SULF1: variants seen among roughly 807,000 people sequenced by gnomAD.
SULF1 encodes extracellular sulfatase Sulf-1.
SULF1 carries 46 observed loss-of-function variants against 110.5 expected under a neutral mutation model. That is an observed-to-expected ratio of 0.42 (90% CI 0.33 to 0.53). SULF1 has a LOEUF of 0.53. Ranked by LOEUF, SULF1 falls within the 20% of genes least tolerant of loss-of-function variation. SULF1 has a pLI of 0.12. For synonymous variants in SULF1, 371 were observed against 387.1 expected (o/e 0.96, Z 0.49); for missense variants, 941 against 1,094.2 (o/e 0.86, Z 1.98).
chr8:69,641,063 C>T, intron 22 of SULF1: 1 of 423,096 alleles, frequency 2.4e-6, no homozygotes, highest in East Asian at 3.6e-5. Context: ...AGAGCATTTA[C>T]TCACTCCCAT....
rs761140870 is a variant in SULF1, at chr8:69,588,960, T to C, written c.565-12T>C. 4.7e-5 allele frequency: 75 copies of C among 1,600,176 alleles called. No homozygotes were observed. The highest frequency in any genetic ancestry group is 1.7e-4 in the Middle Eastern group (1 of 6,020). On this transcript the variant is annotated splice_polypyrimidine_tract_variant and intron_variant, in intron 7 of 22. Transcript: ENST00000402687. The stretch of plus-strand genomic sequence containing the variant: ...TTTGTAATTTTTGTTTTGTGTCAAA[T>C]GTATGTTTCAGGACTACTTCACAGA...
At chr8:69,525,955 A>C (rs1413341895) in intron 3 of SULF1, among the ~76,000 whole-genome samples, 2 of 152,158 alleles carry the variant, frequency 1.3e-5, no homozygotes, top group East Asian at 3.8e-4. Context: ...AAATTTCTTG[A>C]AGCTCTTTGG....
chr8:69,604,702 T>C, intron 12 of SULF1, 101 bp from the exon 13 acceptor site: 1 of 1,452,084 alleles, frequency 6.9e-7, no homozygotes. Flanking sequence ...GTTTAAAGAA[T>C]GTGGAGTCAT....
intron 3 of SULF1, among the ~76,000 whole-genome samples, chr8:69,524,970 A>G (rs1812560016): frequency 6.6e-6 from 1 of 152,198 alleles, no homozygotes; most frequent in Admixed American, 6.5e-5. Flanking sequence ...GGCAGTGGAT[A>G]GCTTTATAAC....
chr8:69,526,798 A>AAAGGAAGGAAGG (rs5892198), intron 3 of SULF1, among the ~76,000 whole-genome samples: 8,884 of 112,146 alleles, frequency 0.079, 448 homozygotes, highest in Middle Eastern at 0.09. Context: ...GTCAAGAAAG[A>AAAGGAAGGAAGG]AAGGAAGGAA....
intron 3 of SULF1, among the ~76,000 whole-genome samples, chr8:69,537,496 A>G (rs10957497): frequency 0.056 from 8,571 of 152,280 alleles, 696 homozygotes; most frequent in East Asian, 0.43. Context: ...AGAGTATACC[A>G]TATTAAATAG....
intron 5 of SULF1, among the ~76,000 whole-genome samples, chr8:69,566,624 G>A (rs900643050): frequency 6.6e-6 from 1 of 152,158 alleles, no homozygotes; most frequent in African/African-American, 2.4e-5. Flanking sequence ...GCTGAGGCAG[G>A]CGGATCACCT....
chr8:69,594,593 C>A (rs1385276810), intron 8 of SULF1, among the ~76,000 whole-genome samples: 4 of 152,184 alleles, frequency 2.6e-5, no homozygotes, highest in Admixed American at 2.0e-4. Flanking sequence ...TTTGAAACAC[C>A]TTTGTTATCT....
In SULF1 at chr8:69,658,607, A is replaced by G. The variant is rs750874226; in HGVS notation, c.*72A>G. 9.7e-6 allele frequency: 12 copies of G among 1,238,426 alleles called. No individual in the cohort carries two copies. Among genetic ancestry groups the G allele is most frequent in the Admixed American group, 5.1e-5 (3 of 59,214 alleles). 76.7% of individuals were successfully genotyped at this position (1,238,426 alleles called of 1,614,324 possible). ...CTACACAGTGTGAATGAAAACATCT[A>G]TGAGTACAGACAAAACTACAGACTT... On this transcript the variant is annotated 3_prime_UTR_variant, in exon 23 of 23. Coordinates refer to ENST00000402687, the MANE Select transcript of SULF1 (RefSeq NM_001128205.2).
chr8:69,594,729 T>G (rs1040598561), intron 8 of SULF1, among the ~76,000 whole-genome samples: 1 of 152,148 alleles, frequency 6.6e-6, no homozygotes, highest in African/African-American at 2.4e-5. Flanking sequence ...AAAAATCTGA[T>G]TTGGGCAGAA....
chr8:69,490,185 C>T (rs189930835), upstream of SULF1, among the ~76,000 whole-genome samples: 4 of 150,814 alleles, frequency 2.7e-5, no homozygotes, highest in Non-Finnish European at 5.9e-5. Flanking sequence ...TCACTGCAAC[C>T]TCTGCCTCCT....
rs1807970171 is a variant in SULF1, at chr8:69,603,192, A to G, written c.1062A>G (p.Ile354Met). The G allele has an allele frequency of 6.2e-7, 1 of 1,613,986 alleles. No homozygotes were observed. The highest frequency in any genetic ancestry group is 1.7e-5 in the Admixed American group (1 of 60,004). Residue 354 changes from isoleucine to methionine, a missense_variant and splice_region_variant, in exon 11 of 23, where the codon ATA becomes ATG. Coordinates refer to ENST00000402687, the MANE Select transcript of SULF1 (RefSeq NM_001128205.2). ...GCCATCACCGTGTGCCCCTTTACAG[A>G]GTCCCACAGATCGTTCTCAACATTG... Reference protein sequence around the residue: ...IRGPSVEPGSIVPQIVLNIDL... With the variant: ...IRGPSVEPGSMVPQIVLNIDL...
intron 3 of SULF1, among the ~76,000 whole-genome samples, chr8:69,537,661 C>G (rs763917666): frequency 2.2e-4 from 33 of 152,188 alleles, no homozygotes; most frequent in Non-Finnish European, 4.4e-4. Context: ...AAGGGGGAAA[C>G]AGCCTGCAGA....
At chr8:69,528,566 G>T (rs1236049170) in intron 3 of SULF1, among the ~76,000 whole-genome samples, 1 of 152,148 alleles carries the variant, frequency 6.6e-6, no homozygotes, top group East Asian at 1.9e-4. Context: ...CAGAAAACTG[G>T]AATATTTTGT....
At chr8:69,592,677 G>C (rs116673500) in intron 8 of SULF1, among the ~76,000 whole-genome samples, 1 of 152,158 alleles carries the variant, frequency 6.6e-6, no homozygotes, top group Middle Eastern at 3.2e-3. Context: ...TCCCCACATA[G>C]AGCCTGGGAC....
intron 1 of SULF1, among the ~76,000 whole-genome samples, chr8:69,493,442 CA>C (rs1373918876): frequency 2.3e-4 from 32 of 142,170 alleles, no homozygotes; most frequent in African/African-American, 8.3e-4. Context: ...CACACACACA[CA>C]ACACTACACA....
At chr8:69,587,038 G>T (rs1209393370) in intron 7 of SULF1, among the ~76,000 whole-genome samples, 1 of 152,176 alleles carries the variant, frequency 6.6e-6, no homozygotes, top group Non-Finnish European at 1.5e-5. Flanking sequence ...ATCCACAAAA[G>T]TCTCTAATGC....
chr8:69,642,071 G>T (rs1469786754), intron 22 of SULF1, among the ~76,000 whole-genome samples: 1 of 152,110 alleles, frequency 6.6e-6, no homozygotes, highest in African/African-American at 2.4e-5. Flanking sequence ...CCTAGTTAAT[G>T]TATCCACTTG....
At chr8:69,579,518 C>T (rs998463313) in intron 6 of SULF1, among the ~76,000 whole-genome samples, 12 of 146,044 alleles carry the variant, frequency 8.2e-5, no homozygotes, top group African/African-American at 2.9e-4. Context: ...CATTGCACTC[C>T]AGCCTGGGCA....
Sources: gnomAD v4.1 joint callset for allele counts (sites outside exome capture counted in the v4.1 genomes callset) on GRCh38, gnomAD v4.1.1 for gene constraint, MANE v1.5 for transcripts, NCBI Gene and HGNC (gene_info 2026-07-23, HGNC 2026-07-21) for gene names.